The following HNMT variants were observed in gnomAD, a reference collection of about 807,000 sequenced individuals.
HNMT encodes the protein histamine N-methyltransferase.
In HNMT, 30 loss-of-function variants were observed where a neutral mutation model predicts 32.1. The ratio of observed to expected loss-of-function variants is 0.93; its 90% CI spans 0.70 to 1.27. The LOEUF (loss-of-function observed/expected upper bound fraction) is 1.27. Ranked by LOEUF, HNMT falls within the 50% of genes most tolerant of loss-of-function variation. The pLI is 0.00. For missense variants in HNMT, 327 were observed against 346.0 expected (o/e 0.95, Z 0.43); for synonymous variants, 125 against 119.0 (o/e 1.05, Z -0.33).
At chr2:137,967,338 G>A (rs934926871) in intron 1 of HNMT, 3 of 513,400 alleles carry the variant, frequency 5.8e-6, no homozygotes, top group African/African-American at 1.9e-5. Flanking sequence ...GAGAGATCGA[G>A]GCTTCAGTGA....
chr2:137,980,455 G>A (rs1226819853), intron 2 of HNMT, among the ~76,000 whole-genome samples: 1 of 152,212 alleles, frequency 6.6e-6, no homozygotes, highest in East Asian at 1.9e-4. Flanking sequence ...GTATACTTCA[G>A]CTCTGAGGAC....
At chr2:137,985,487 T>G (rs1056737270) in intron 2 of HNMT, among the ~76,000 whole-genome samples, 1 of 152,216 alleles carries the variant, frequency 6.6e-6, no homozygotes, top group Non-Finnish European at 1.5e-5. Context: ...AAAACCTATT[T>G]TTCCAAGTTG....
intron 2 of HNMT, 74 bp downstream of exon 2, chr2:137,970,291 T>A (rs1343077548): frequency 1.1e-6 from 1 of 881,372 alleles, no homozygotes; most frequent in African/African-American, 1.7e-5. Context: ...ATTGTTCATT[T>A]TTTAGGAAGA....
intron 2 of HNMT, chr2:137,981,282 G>C: frequency 1.2e-6 from 2 of 1,613,548 alleles, no homozygotes; most frequent in Non-Finnish European, 1.7e-6. Context: ...TGTAGCACCC[G>C]TCAGAAAGAC....
chr2:137,981,284 C>A (rs1192814515), intron 2 of HNMT: 1 of 1,613,572 alleles, frequency 6.2e-7, no homozygotes, highest in Admixed American at 1.7e-5. Context: ...TAGCACCCGT[C>A]AGAAAGACAA....
At chr2:137,981,041 A>G (rs1252625150) in intron 2 of HNMT, among the ~76,000 whole-genome samples, 1 of 152,060 alleles carries the variant, frequency 6.6e-6, no homozygotes, top group Admixed American at 6.6e-5. Context: ...TTTCTGCCTG[A>G]TATTCTAGTA....
At chr2:137,970,919 CAAAAAA>C (rs1179144967) in intron 2 of HNMT, among the ~76,000 whole-genome samples, 1 of 18,350 alleles carries the variant, frequency 5.4e-5, no homozygotes, top group African/African-American at 2.2e-4. Flanking sequence ...GACTACGTCT[CAAAAAA>C]AAAAAAAAAA....
chr2:137,982,133 G>A (rs1033083099), intron 2 of HNMT, among the ~76,000 whole-genome samples: 1 of 152,202 alleles, frequency 6.6e-6, no homozygotes, highest in African/African-American at 2.4e-5. Flanking sequence ...ACAGGCAGGA[G>A]CCACTGCGCC....
chr2:137,968,525 A>G (rs1293856162), intron 1 of HNMT, among the ~76,000 whole-genome samples: 1 of 152,230 alleles, frequency 6.6e-6, no homozygotes, highest in Admixed American at 6.5e-5. Context: ...ATCCTACAAG[A>G]GAGATGATAT....
At chr2:137,998,955 C>G (rs1681079754) in intron 2 of HNMT, among the ~76,000 whole-genome samples, 1 of 152,148 alleles carries the variant, frequency 6.6e-6, no homozygotes, top group African/African-American at 2.4e-5. Flanking sequence ...CATTAGCCCA[C>G]AGCTATTCTT....
At chr2:137,982,463 A>T (rs1016170894) in intron 2 of HNMT, among the ~76,000 whole-genome samples, 1 of 152,220 alleles carries the variant, frequency 6.6e-6, no homozygotes, top group African/African-American at 2.4e-5. Flanking sequence ...CATAGCCCAG[A>T]ATGGAAACAT....
chr2:138,001,957 TTCTA>T (rs2104975527), intron 3 of HNMT, 103 bp from the exon 4 acceptor site: 1 of 817,454 alleles, frequency 1.2e-6, no homozygotes, highest in East Asian at 3.0e-5. Flanking sequence ...AAAACGTTCT[TTCTA>T]TCTGTTTGTA....
intron 2 of HNMT, among the ~76,000 whole-genome samples, chr2:137,999,546 C>G (rs1573670600): frequency 6.6e-6 from 1 of 152,154 alleles, no homozygotes; most frequent in Non-Finnish European, 1.5e-5. Flanking sequence ...TTCCAGACCT[C>G]CCAGTCTTAT....
intron 2 of HNMT, among the ~76,000 whole-genome samples, chr2:137,987,601 C>CTTTTT (rs5834598): frequency 9.1e-4 from 64 of 70,260 alleles, no homozygotes; most frequent in Admixed American, 2.0e-3. Context: ...ACAATGGCCA[C>CTTTTT]TTTTTTTTTT....
chr2:137,976,305 A>G (rs1444500066), intron 2 of HNMT, among the ~76,000 whole-genome samples: 1 of 151,486 alleles, frequency 6.6e-6, no homozygotes, highest in Non-Finnish European at 1.5e-5. Context: ...CTGTCTATAA[A>G]TAGAAAATAA....
At chr2:137,977,925 C>T (rs961164396) in intron 2 of HNMT, among the ~76,000 whole-genome samples, 4 of 151,906 alleles carry the variant, frequency 2.6e-5, no homozygotes, top group East Asian at 3.9e-4. Flanking sequence ...CTTGCCTCCC[C>T]ACCCCCCATC....
chr2:138,007,792 G>C (rs1455499455), intron 5 of HNMT, among the ~76,000 whole-genome samples: 1 of 151,786 alleles, frequency 6.6e-6, no homozygotes, highest in Non-Finnish European at 1.5e-5. Context: ...GACAGATTTT[G>C]GGACCTGTGG....
chr2:137,997,636 C>T (rs1681036281), intron 2 of HNMT, among the ~76,000 whole-genome samples: 1 of 152,144 alleles, frequency 6.6e-6, no homozygotes, highest in African/African-American at 2.4e-5. Context: ...GAATTTAGAA[C>T]CAGAAATACC....
At chr2:137,981,155 T>C (rs1680482258) in intron 2 of HNMT, 2 of 1,548,206 alleles carry the variant, frequency 1.3e-6, no homozygotes, top group African/African-American at 1.4e-5. Flanking sequence ...AGGGATAGGC[T>C]GAAATCGAAT....
Sources: allele counts gnomAD v4.1 joint callset (sites outside exome capture counted in the v4.1 genomes callset), GRCh38; gene constraint gnomAD v4.1.1; transcripts MANE v1.5; gene names NCBI Gene and HGNC (gene_info 2026-07-23, HGNC 2026-07-21).